Variants in DLGAP2 observed in about 807,000 individuals in gnomAD.
DLGAP2 encodes the protein DLG associated protein 2.
DLGAP2 carries 26 observed loss-of-function variants against 100.3 expected under a neutral mutation model. That is an observed-to-expected ratio of 0.26 (90% CI 0.19 to 0.36). The LOEUF (loss-of-function observed/expected upper bound fraction) is 0.36, where lower values mean the gene tolerates loss of function less well. DLGAP2 is among the 10% of genes least tolerant of loss of function. DLGAP2 has a pLI of 1.00. For synonymous variants in DLGAP2, 886 were observed against 630.1 expected (o/e 1.41, Z -6.08); for missense variants, 1,858 against 1,453.2 (o/e 1.28, Z -4.53).
intron 2 of DLGAP2, among the ~76,000 whole-genome samples, chr8:1,020,425 A>G (rs1188200313): frequency 1.3e-5 from 2 of 152,224 alleles, no homozygotes; most frequent in African/African-American, 2.4e-5. Context: ...TCCATGTAGT[A>G]AGGGCTGAGG....
intron 4 of DLGAP2, among the ~76,000 whole-genome samples, chr8:1,529,007 A>G (rs890236724): frequency 2.6e-5 from 4 of 152,216 alleles, no homozygotes; most frequent in Admixed American, 6.5e-5. Flanking sequence ...TGTTTATAAA[A>G]TTATAGTGGC....
Position 1,627,295 on chromosome 8 carries a change from A to C in DLGAP2, c.1590+408A>C, listed in dbSNP as rs147822163. Among the ~76,000 whole-genome samples the C allele has an allele frequency of 2.8e-3, 420 of 152,312 alleles. 3 individuals carry two copies. The highest frequency in any genetic ancestry group is 9.5e-3 in the African/African-American group (396 of 41,580). On this transcript the variant is annotated intron_variant, in intron 7 of 14. Coordinates refer to ENST00000637795, the MANE Select transcript of DLGAP2 (RefSeq NM_001346810.2). ...GCCTCAGAAAGTCCTGTGAGAGGAT[A>C]GCCTGGTGTCGCTCACAGAGTCCTG...
At chr8:1,134,550 T>A (rs10112755) in intron 2 of DLGAP2, among the ~76,000 whole-genome samples, 2 of 151,698 alleles carry the variant, frequency 1.3e-5, no homozygotes, top group East Asian at 1.9e-4. Context: ...ATGATAGAAC[T>A]TACATTAATC....
At chr8:911,625 A>G (rs1214971180) in intron 2 of DLGAP2, among the ~76,000 whole-genome samples, 1 of 147,958 alleles carries the variant, frequency 6.8e-6, no homozygotes, top group Non-Finnish European at 1.5e-5. Context: ...GGAAGGATGC[A>G]TGTATAATGT....
At chr8:822,313 G>T (rs906585621) in intron 1 of DLGAP2, 4 of 398,700 alleles carry the variant, frequency 1.0e-5, no homozygotes, top group African/African-American at 8.2e-5. Context: ...GGGTGACGGG[G>T]GCCTGGCCAG....
At chr8:1,089,162 G>A (rs150335654) in intron 2 of DLGAP2, among the ~76,000 whole-genome samples, 8,721 of 121,454 alleles carry the variant, frequency 0.072, 707 homozygotes, top group East Asian at 0.15. Context: ...CTCGCTCCCC[G>A]GCCTCACTCT....
intron 2 of DLGAP2, among the ~76,000 whole-genome samples, chr8:948,845 T>C (rs883779): frequency 0.18 from 27,018 of 152,086 alleles, 2,788 homozygotes; most frequent in Non-Finnish European, 0.24. Flanking sequence ...CAGAGGCGCG[T>C]CCTGGCCTGA....
At chr8:875,140 C>A (rs895486299) in intron 1 of DLGAP2, among the ~76,000 whole-genome samples, 3 of 152,068 alleles carry the variant, frequency 2.0e-5, no homozygotes, top group African/African-American at 7.2e-5. Flanking sequence ...ATCTTTTAAT[C>A]TTTAAAGTGT....
intron 3 of DLGAP2, among the ~76,000 whole-genome samples, chr8:1,421,420 C>G (rs1056651028): frequency 1.9e-4 from 29 of 152,248 alleles, no homozygotes; most frequent in African/African-American, 6.7e-4. Flanking sequence ...AATAATAACA[C>G]CCACACAAGA....
chr8:1,357,808 G>A lies in DLGAP2; in HGVS notation c.106+98925G>A, dbSNP rs1277755799. Among the ~76,000 whole-genome samples, 4 of 152,188 alleles carry A rather than the reference G, an allele frequency of 2.6e-5. 1 individual carries two copies. Among genetic ancestry groups the A allele is most frequent in the Admixed American group, 1.3e-4 (2 of 15,276 alleles). The stretch of plus-strand genomic sequence containing the variant: ...GCCATGCAGTGCTCTTCAGACATAC[G>A]CTGGGGCTCAGGGCTGTGGGCCTCA... On this transcript the variant is annotated intron_variant, in intron 3 of 14. Transcript: ENST00000637795.
intron 3 of DLGAP2, among the ~76,000 whole-genome samples, chr8:1,282,357 GTGGTGTGACCTGAACCCAGCACC>G (rs1799835327): frequency 3.9e-5 from 5 of 127,086 alleles, no homozygotes; most frequent in African/African-American, 6.2e-5. Flanking sequence ...CCATCTGGAC[GTGGTGTGACCTGAACCCAGCACC>G]TGAAGCATCC....
At position 1,449,245 on chromosome 8, in the gene DLGAP2, A is replaced by G. The variant is rs530969484; in HGVS notation, c.107-52121A>G. 3.3e-5 allele frequency among the ~76,000 whole-genome samples: 5 copies of G among 152,326 alleles called. No homozygotes were observed. In the East Asian group the frequency reaches 5.8e-4, roughly 18 times the overall value. ...GCCAGGGAGGTTTTTACACGTACCA[A>G]TGAAGTCCTCACCCTGGTGATTCCG... On this transcript the variant is annotated intron_variant, in intron 3 of 14. Transcript: ENST00000637795.
At chr8:1,252,326 TGGG>T (rs1207800871) in intron 2 of DLGAP2, among the ~76,000 whole-genome samples, 5 of 144,482 alleles carry the variant, frequency 3.5e-5, no homozygotes, top group Non-Finnish European at 1.6e-5. Context: ...TGTGTTGTCC[TGGG>T]TCACGGTGTC....
intron 3 of DLGAP2, among the ~76,000 whole-genome samples, chr8:1,283,239 C>G (rs1395726952): frequency 2.0e-5 from 3 of 149,178 alleles, no homozygotes; most frequent in Non-Finnish European, 4.4e-5. Flanking sequence ...ACCATCCGGA[C>G]GTGGTGTGAT....
intron 2 of DLGAP2, among the ~76,000 whole-genome samples, chr8:969,128 A>G (rs1019906100): frequency 1.3e-5 from 2 of 152,006 alleles, no homozygotes; most frequent in Non-Finnish European, 2.9e-5. Context: ...AGTGAAGCAG[A>G]CCTCTCCCCA....
intron 3 of DLGAP2, chr8:1,302,351 A>T (rs112566153): frequency 5.0e-5 from 2 of 39,610 alleles, no homozygotes; most frequent in Non-Finnish European, 4.3e-5. Flanking sequence ...CCGGACTCGG[A>T]ATTTTCTGTG....
At chr8:1,434,165 G>A (rs1032935398) in intron 3 of DLGAP2, among the ~76,000 whole-genome samples, 9 of 152,162 alleles carry the variant, frequency 5.9e-5, no homozygotes, top group African/African-American at 1.4e-4. Context: ...TAATATGACC[G>A]TCAGCAGCTC....
chr8:1,506,149 T>G (rs1799905107), intron 4 of DLGAP2, among the ~76,000 whole-genome samples: 1 of 152,226 alleles, frequency 6.6e-6, no homozygotes, highest in South Asian at 2.1e-4. Context: ...TCCACAGCAT[T>G]TAAGTGCACC....
At chr8:933,088 C>T (rs750472007) in intron 2 of DLGAP2, among the ~76,000 whole-genome samples, 1 of 152,212 alleles carries the variant, frequency 6.6e-6, no homozygotes, top group Non-Finnish European at 1.5e-5. Flanking sequence ...CGATCCTGTC[C>T]CCGTCCGTTC....
Sources: allele counts gnomAD v4.1 joint callset (sites outside exome capture counted in the v4.1 genomes callset), GRCh38; gene constraint gnomAD v4.1.1; transcripts MANE v1.5; gene names NCBI Gene and HGNC (gene_info 2026-07-23, HGNC 2026-07-21).